Variants in ESRRB observed in about 807,000 individuals in gnomAD.
The protein encoded by ESRRB is steroid hormone receptor ERR2.
A neutral mutation model predicts 46.0 loss-of-function variants in ESRRB; 16 were observed. The observed-to-expected ratio is 0.35, with a 90% CI of 0.24 to 0.53. ESRRB has a LOEUF of 0.53. ESRRB is among the 20% of genes least tolerant of loss of function. The pLI is 0.93. For synonymous variants in ESRRB, 246 were observed against 259.6 expected (o/e 0.95, Z 0.50); for missense variants, 488 against 607.4 (o/e 0.80, Z 2.07).
upstream of ESRRB, among the ~76,000 whole-genome samples, chr14:76,374,770 C>T (rs528314133): frequency 4.0e-4 from 61 of 152,278 alleles, no homozygotes; most frequent in African/African-American, 1.4e-3. Context: ...ACATCTTCAT[C>T]CATCTCTCTG....
chr14:76,313,565 G>T (rs1030504333), intron 1 of ESRRB, among the ~76,000 whole-genome samples: 1 of 152,154 alleles, frequency 6.6e-6, no homozygotes, highest in African/African-American at 2.4e-5. Context: ...TTGGAATGCA[G>T]CAGGCTCAGG....
At position 76,498,642 on chromosome 14, in the gene ESRRB, G is replaced by T; in HGVS notation, c.*184G>T. The T allele has an allele frequency of 8.4e-7, 1 of 1,189,782 alleles. No homozygotes were observed. Among genetic ancestry groups the T allele is most frequent in the Non-Finnish European group, 1.2e-6 (1 of 863,276 alleles). 73.7% of individuals were successfully genotyped at this position (1,189,782 alleles called of 1,614,324 possible). A position where few individuals can be genotyped will look rare whatever the true frequency, so the allele number is the denominator to read the frequency against. ...CCCGGGTGCAGTGGGGTGGGGGACG[G>T]GGATGGGGGGGCAGGGGTGTGGGGC... On this transcript the variant is annotated 3_prime_UTR_variant, in exon 7 of 7. Coordinates refer to ENST00000644823, the MANE Select transcript of ESRRB (RefSeq NM_001379180.1).
At chr14:76,498,154 C>A in intron 6 of ESRRB, 60 bp from the exon 7 acceptor site, 1 of 1,607,254 alleles carries the variant, frequency 6.2e-7, no homozygotes, top group Non-Finnish European at 8.5e-7. Flanking sequence ...CCCAAGATGG[C>A]CCCCACACCA....
At chr14:76,464,652 C>T (rs1889031157) in intron 3 of ESRRB, among the ~76,000 whole-genome samples, 1 of 152,192 alleles carries the variant, frequency 6.6e-6, no homozygotes. Context: ...AGTCTCCTTT[C>T]CAGATTAAAA....
In ESRRB at chr14:76,482,911, C is replaced by T. The variant is rs1889865691; in HGVS notation, c.850+152C>T. The T allele has an allele frequency of 1.1e-6, 1 of 873,970 alleles. No homozygotes were observed. Among genetic ancestry groups the T allele is most frequent in the Non-Finnish European group, 1.8e-6 (1 of 546,066 alleles). 54.1% of individuals were successfully genotyped at this position (873,970 alleles called of 1,614,324 possible). On this transcript the variant is annotated intron_variant, in intron 5 of 6. Transcript: ENST00000644823. The surrounding 1 kb of genome is among the most constrained non-coding windows in gnomAD (Gnocchi z 4.3). ...GCCTGTTTCTCTGAGCTCCTCTTCT[C>T]TCCTTGTAGCATTGGAGAGGAACAG...
chr14:76,332,841 A>T (rs1168251800), intron 1 of ESRRB, among the ~76,000 whole-genome samples: 794 of 23,420 alleles, frequency 0.034, 28 homozygotes, highest in Middle Eastern at 0.071. Context: ...TATATTATAT[A>T]TTTATATATT....
chr14:76,420,567 G>GTC (rs1358505086), intron 1 of ESRRB, among the ~76,000 whole-genome samples: 1 of 149,324 alleles, frequency 6.7e-6, no homozygotes, highest in African/African-American at 2.5e-5. Flanking sequence ...GAGTGTGTGT[G>GTC]TGTGTGTGTG....
Position 76,491,511 on chromosome 14 carries a change from C to T in ESRRB, c.915C>T (p.Leu305=). ...SLLQSAWMEI[L]ILGIVYRSLP... ...TGCAGAGTGCCTGGATGGAAATCCT[C>T]ATCCTGGGCATCGTGTACCGCTCGC... is the stretch of plus-strand genomic sequence containing the variant. The change falls in exon 6 of 7, where the codon CTC becomes CTT. Residue 305 remains leucine (L), a synonymous_variant. Coordinates refer to ENST00000644823, the MANE Select transcript of ESRRB (RefSeq NM_001379180.1). 6.2e-7 allele frequency: 1 copy of T among 1,602,116 alleles called. No individual in the cohort carries two copies. The highest frequency in any genetic ancestry group is 1.3e-5 in the African/African-American group (1 of 74,968).
intron 1 of ESRRB, among the ~76,000 whole-genome samples, chr14:76,345,040 A>C (rs1884233832): frequency 6.6e-6 from 1 of 152,204 alleles, no homozygotes; most frequent in African/African-American, 2.4e-5. Context: ...ATGAATGTGC[A>C]AGTATCTTTT....
chr14:76,416,286 C>T (rs1350196764), intron 1 of ESRRB, among the ~76,000 whole-genome samples: 1 of 151,960 alleles, frequency 6.6e-6, no homozygotes, highest in African/African-American at 2.4e-5. Flanking sequence ...TAGGCGCCCA[C>T]CACCACACCC....
chr14:76,347,414 A>AGTGTGTGTGTGTGTGT lies in ESRRB; in HGVS notation c.2+36503_2+36518dup, dbSNP rs34971102. On this transcript the variant is annotated intron_variant, in intron 1 of 6. Coordinates refer to the ESRRB transcript ENST00000512784. ...AAATGGGGACAGTATTTGCTCATGA[A>AGTGTGTGTGTGTGTGT]GTGTGTGTGTGTGTGTGTGTCACAC... is the stretch of plus-strand genomic sequence containing the variant. Among the ~76,000 whole-genome samples the AGTGTGTGTGTGTGTGT allele has an allele frequency of 1.5e-4, 14 of 96,222 alleles. 4 individuals are homozygous for AGTGTGTGTGTGTGTGT. The highest frequency in any genetic ancestry group is 5.0e-4 in the African/African-American group (14 of 28,042). The allele number at this position is 96,222 out of a possible 152,430, so 63.1% of individuals were successfully genotyped here.
chr14:76,413,368 C>A (rs949823349), intron 1 of ESRRB, among the ~76,000 whole-genome samples: 2 of 152,234 alleles, frequency 1.3e-5, no homozygotes, highest in African/African-American at 4.8e-5. Context: ...ACTTCCCACA[C>A]CAACTCCAGT....
chr14:76,464,696 G>A (rs1044379402), intron 3 of ESRRB, among the ~76,000 whole-genome samples: 1 of 152,190 alleles, frequency 6.6e-6, no homozygotes, highest in South Asian at 2.1e-4. Flanking sequence ...AAGGCTGTCT[G>A]TTGGTTCATT....
At chr14:76,410,408 C>T (rs1886383913) in intron 1 of ESRRB, among the ~76,000 whole-genome samples, 1 of 152,280 alleles carries the variant, frequency 6.6e-6, no homozygotes, top group Admixed American at 6.5e-5. Context: ...TCCCCTAATC[C>T]TTGGTCCCCT....
At chr14:76,381,289 G>A (rs544694145) in intron 1 of ESRRB, among the ~76,000 whole-genome samples, 29 of 152,228 alleles carry the variant, frequency 1.9e-4, no homozygotes, top group African/African-American at 6.7e-4. Context: ...TGCACTTCAC[G>A]GTGACCCCTG....
In ESRRB at chr14:76,482,051, A is replaced by G. The variant is rs1889825460; in HGVS notation, c.613A>G (p.Lys205Glu). Reference sequence around the variant, plus strand: ...TGATCGAGTGCGTGGAGGCCGTCAGAAATACAAGCGACGGCTGGACTCAGA... The same window carrying G: ...TGATCGAGTGCGTGGAGGCCGTCAGGAATACAAGCGACGGCTGGACTCAGA... ...RLDRVRGGRQ[K>E]YKRRLDSESS... Residue 205 changes from lysine to glutamate, a missense_variant, in exon 4 of 7, where the codon AAA becomes GAA. Physicochemically the swap from Lys to Glu is moderately conservative, Grantham distance 56. Transcript: ENST00000644823. The surrounding 1 kb of genome is among the most constrained non-coding windows in gnomAD (Gnocchi z 4.3). The G allele has an allele frequency of 1.2e-6, 2 of 1,614,134 alleles. No homozygotes were observed. Among genetic ancestry groups the G allele is most frequent in the Non-Finnish European group, 8.5e-7 (1 of 1,180,058 alleles).
chr14:76,329,989 G>A (rs990973609), intron 1 of ESRRB, among the ~76,000 whole-genome samples: 1 of 150,198 alleles, frequency 6.7e-6, no homozygotes, highest in African/African-American at 2.5e-5. Context: ...AGGGGAAGAG[G>A]GAAGGGATGA....
intron 5 of ESRRB, among the ~76,000 whole-genome samples, chr14:76,489,480 C>CACACACACACACACACT (rs1890138576): frequency 6.6e-6 from 1 of 150,706 alleles, no homozygotes; most frequent in Non-Finnish European, 1.5e-5. Context: ...CACACACACA[C>CACACACACACACACACT]CCTGATCCCC....
Position 76,500,935 on chromosome 14 carries a change from G to T in ESRRB, c.*2477G>T. On this transcript the variant is annotated 3_prime_UTR_variant, in exon 7 of 7. Transcript: ENST00000644823. ...GTAACAATGGAACTCCATCCAATGG[G>T]AAAGTTCCTGGTACTGAAGGGGTCC... The T allele has an allele frequency of 1.6e-6, 1 of 618,894 alleles. No individual in the cohort carries two copies. The highest frequency in any genetic ancestry group is 2.9e-6 in the Non-Finnish European group (1 of 342,434). The allele number at this position is 618,894 out of a possible 1,614,324, so 38.3% of individuals were successfully genotyped here.
Sources: allele counts gnomAD v4.1 joint callset (sites outside exome capture counted in the v4.1 genomes callset), GRCh38; gene constraint gnomAD v4.1.1; non-coding constraint Gnocchi (gnomAD v3.1); transcripts MANE v1.5; gene names NCBI Gene and HGNC (gene_info 2026-07-23, HGNC 2026-07-21).